Variants in EPS15L1 observed in about 807,000 individuals in gnomAD.
EPS15L1 encodes the protein epidermal growth factor receptor pathway substrate 15 like 1, also known as epidermal growth factor receptor substrate 15-like 1.
In EPS15L1, 43 loss-of-function variants were observed where a neutral mutation model predicts 117.1. That is an observed-to-expected ratio of 0.37 (90% CI 0.29 to 0.47). The LOEUF (loss-of-function observed/expected upper bound fraction) is 0.47, where lower values mean the gene tolerates loss of function less well. EPS15L1 is among the 20% of genes least tolerant of loss of function. The pLI, the probability that EPS15L1 is intolerant of heterozygous loss-of-function variation, is 0.99. For missense variants in EPS15L1, 981 were observed against 1,164.0 expected (o/e 0.84, Z 2.29); for synonymous variants, 459 against 470.5 (o/e 0.98, Z 0.32).
At position 16,395,600 on chromosome 19, in the gene EPS15L1, C is replaced by T. The variant is rs908298366; in HGVS notation, c.1792-133G>A. The T allele has an allele frequency of 3.8e-5, 37 of 973,206 alleles. No individual in the cohort carries two copies. In the African/African-American group the frequency reaches 5.6e-4, roughly 15 times the overall value. 60.3% of individuals were successfully genotyped at this position (973,206 alleles called of 1,614,324 possible). On this transcript the variant is annotated intron_variant, in intron 16 of 23. Coordinates refer to ENST00000455140, the MANE Select transcript of EPS15L1 (RefSeq NM_001258374.3). ...AAAAAGAATGATTTAGCCAGGAGTT[C>T]GAGGCTGGCCTGGGCAACATAGCAA...
chr19:16,397,196 T>C (rs1308569361), intron 16 of EPS15L1, among the ~76,000 whole-genome samples: 1 of 152,056 alleles, frequency 6.6e-6, no homozygotes, highest in Non-Finnish European at 1.5e-5. Flanking sequence ...TTCAAGTGAT[T>C]CTCCTGCCTC....
chr19:16,457,341 A>G (rs1302600543), intron 1 of EPS15L1, among the ~76,000 whole-genome samples: 1 of 152,146 alleles, frequency 6.6e-6, no homozygotes, highest in Non-Finnish European at 1.5e-5. Flanking sequence ...AAGAGACAGG[A>G]TGGAGGGCCA....
In EPS15L1 at chr19:16,383,465, C is replaced by G. The variant is rs1361193243; in HGVS notation, c.2247+1664G>C. The G allele has an allele frequency of 6.6e-6, 1 of 152,242 alleles. No individual in the cohort carries two copies. The highest frequency in any genetic ancestry group is 6.5e-5 in the Admixed American group (1 of 15,276). 9.4% of individuals were successfully genotyped at this position (152,242 alleles called of 1,614,324 possible). The stretch of plus-strand genomic sequence containing the variant: ...GCTGCCACCGTGTGGCCAACGTTTT[C>G]TGCTTTCGGGAGATGGTTTCCCGCC... On this transcript the variant is annotated intron_variant, in intron 21 of 23. Transcript: ENST00000455140. The surrounding 1 kb of genome is among the most constrained non-coding windows in gnomAD (Gnocchi z 5.2).
At position 16,403,911 on chromosome 19, in the gene EPS15L1, T is replaced by C. The variant is rs537189061; in HGVS notation, c.1448A>G (p.Gln483Arg). The change falls in exon 15 of 24, where the codon CAA (glutamine) becomes CGA (arginine). Residue 483 changes from glutamine to arginine, a missense_variant. Transcript: ENST00000455140. ...TAAGTCAGATTCCTGAGATTGGATT[T>C]GCGTTTTCAGTGATGAGATCTGAAA... Reference protein sequence around the residue: ...ETQMISSLKTQIQSQESDLKS... With the variant: ...ETQMISSLKTRIQSQESDLKS... 9 of 1,614,086 alleles carry C rather than the reference T, an allele frequency of 5.6e-6. No individual in the cohort carries two copies. In the South Asian group the frequency reaches 8.8e-5, roughly 16 times the overall value.
At chr19:16,403,484 C>T (rs925694016) in intron 15 of EPS15L1, among the ~76,000 whole-genome samples, 2 of 152,170 alleles carry the variant, frequency 1.3e-5, no homozygotes, top group Admixed American at 1.3e-4. Context: ...CACCCCACCC[C>T]GCCTACTCCT....
chr19:16,466,890 T>G (rs1599701029), intron 1 of EPS15L1, among the ~76,000 whole-genome samples: 5 of 132,842 alleles, frequency 3.8e-5, no homozygotes, highest in East Asian at 2.2e-4. Context: ...GTGACAAGAG[T>G]GAAACTCTGT....
chr19:16,408,255 A>G (rs946105481), intron 13 of EPS15L1, among the ~76,000 whole-genome samples: 2 of 152,074 alleles, frequency 1.3e-5, no homozygotes, highest in Non-Finnish European at 2.9e-5. Flanking sequence ...AATAACCCCA[A>G]CAGTCCACGG....
At chr19:16,417,357 G>A (rs1356949441) in intron 12 of EPS15L1, 195 bp downstream of exon 12, 1 of 578,040 alleles carries the variant, frequency 1.7e-6, no homozygotes, top group Admixed American at 2.9e-5. Context: ...CTCTGGCTGA[G>A]GCTGATTCAA....
intron 17 of EPS15L1, among the ~76,000 whole-genome samples, chr19:16,394,852 T>G (rs1195903518): frequency 6.6e-6 from 1 of 152,160 alleles, no homozygotes; most frequent in Non-Finnish European, 1.5e-5. Context: ...GTGGGTCTTG[T>G]GGTGAGCTTG....
At position 16,364,522 on chromosome 19, in the gene EPS15L1, C is replaced by A. The variant is rs377456475; in HGVS notation, c.2381-2538G>T. Among the ~76,000 whole-genome samples, 47 of 152,334 alleles carry A rather than the reference C, an allele frequency of 3.1e-4. No individual in the cohort carries two copies. In the East Asian group the frequency reaches 7.5e-3, roughly 24 times the overall value. On this transcript the variant is annotated intron_variant, in intron 22 of 23. Transcript: ENST00000455140. ...AGGGTGATCTGGCCCAGCCCGCAGACCCCGGGCTGGTTCCGCTGGCCTTGA... is the reference window on the plus strand; with the variant it reads ...AGGGTGATCTGGCCCAGCCCGCAGAACCCGGGCTGGTTCCGCTGGCCTTGA...
At chr19:16,421,606 G>A in intron 9 of EPS15L1, 130 bp from the exon 10 acceptor site, 2 of 934,798 alleles carry the variant, frequency 2.1e-6, no homozygotes, top group Non-Finnish European at 3.2e-6. Flanking sequence ...ACTTCCATGA[G>A]CCAAGAGGGC....
chr19:16,452,647 A>C (rs911969107), intron 1 of EPS15L1, among the ~76,000 whole-genome samples: 3 of 152,074 alleles, frequency 2.0e-5, no homozygotes, highest in African/African-American at 7.2e-5. Context: ...AAAAAAAAAA[A>C]AAAACCTAAG....
chr19:16,413,745 A>G (rs752396334), intron 13 of EPS15L1, 28 bp downstream of exon 13: 1 of 1,595,700 alleles, frequency 6.3e-7, no homozygotes, highest in South Asian at 1.1e-5. Flanking sequence ...CACAAAGTAG[A>G]TGTAACCAAA....
rs2092366702 is a variant in EPS15L1 at position 16,381,871 on chromosome 19, A to G, written c.2247+3258T>C. ...CTGGGATGGGGAGCCAAGCAGGTCT[A>G]GATGGGAAGTGGTGTGACCGGCTGG... On this transcript the variant is annotated intron_variant, in intron 21 of 23. Transcript: ENST00000455140. The surrounding 1 kb of genome is among the most constrained non-coding windows in gnomAD (Gnocchi z 4.2). Among the ~76,000 whole-genome samples the G allele has an allele frequency of 6.6e-6, 1 of 152,214 alleles. No homozygotes were observed. Among genetic ancestry groups the G allele is most frequent in the African/African-American group, 2.4e-5 (1 of 41,450 alleles).
At chr19:16,419,464 A>T (rs1000580150) in intron 10 of EPS15L1, among the ~76,000 whole-genome samples, 31 of 152,064 alleles carry the variant, frequency 2.0e-4, no homozygotes, top group East Asian at 7.7e-4. Flanking sequence ...CTCAAAAAAA[A>T]AAAATAAAAA....
At chr19:16,453,529 C>T (rs1303573905) in intron 1 of EPS15L1, among the ~76,000 whole-genome samples, 1 of 152,016 alleles carries the variant, frequency 6.6e-6, no homozygotes, top group African/African-American at 2.4e-5. Flanking sequence ...CTGGCTAACA[C>T]GGTGAAACCC....
rs145289403 is a variant in EPS15L1 at position 16,370,050 on chromosome 19, C to G, written c.2380+7072G>C. On this transcript the variant is annotated intron_variant, in intron 22 of 23. Coordinates refer to ENST00000455140, the MANE Select transcript of EPS15L1 (RefSeq NM_001258374.3). The surrounding 1 kb of genome is among the most constrained non-coding windows in gnomAD (Gnocchi z 5.2). ...GCGCCTTGCCCACATGTAACAAGAT[C>G]CCTGAGAACGCCGTGCAGCGAGTCT... 6.8e-3 allele frequency among the ~76,000 whole-genome samples: 1,030 copies of G among 152,310 alleles called. 6 individuals carry two copies. Among genetic ancestry groups the G allele is most frequent in the Admixed American group, 0.011 (166 of 15,306 alleles).
chr19:16,466,115 A>C (rs1180615879), intron 1 of EPS15L1, among the ~76,000 whole-genome samples: 2 of 151,306 alleles, frequency 1.3e-5, no homozygotes, highest in African/African-American at 4.9e-5. Flanking sequence ...CAGCCTCCTG[A>C]GGAGCTGGGA....
At chr19:16,464,038 T>C (rs1489858211) in intron 1 of EPS15L1, among the ~76,000 whole-genome samples, 25 of 152,216 alleles carry the variant, frequency 1.6e-4, no homozygotes, top group Admixed American at 1.6e-3. Context: ...GCAGGTGTGC[T>C]GTCAGCTGCC....
Sources: gnomAD v4.1 joint callset for allele counts (sites outside exome capture counted in the v4.1 genomes callset) on GRCh38, gnomAD v4.1.1 for gene constraint, Gnocchi (gnomAD v3.1) non-coding constraint, MANE v1.5 for transcripts, NCBI Gene and HGNC (gene_info 2026-07-23, HGNC 2026-07-21) for gene names.